Variants in STPG2 observed in about 807,000 individuals in gnomAD.
STPG2 encodes sperm tail PG-rich repeat containing 2, also known as sperm-tail PG-rich repeat-containing protein 2.
In STPG2, 56 loss-of-function variants were observed where a neutral mutation model predicts 54.2. The ratio of observed to expected loss-of-function variants is 1.03; its 90% CI spans 0.83 to 1.29. The LOEUF (loss-of-function observed/expected upper bound fraction) is 1.29. STPG2 is among the 50% of genes most tolerant of loss of function. The pLI is 0.00. For synonymous variants in STPG2, 200 were observed against 181.8 expected (o/e 1.10, Z -0.81); for missense variants, 596 against 544.9 (o/e 1.09, Z -0.93).
intron 10 of STPG2, among the ~76,000 whole-genome samples, chr4:97,590,472 T>G (rs999497274): frequency 2.0e-5 from 3 of 152,018 alleles, no homozygotes; most frequent in African/African-American, 7.2e-5. Flanking sequence ...TCGAGGTCGT[T>G]TGTCCTAAGG....
At chr4:97,709,011 T>G (rs6837669) in intron 10 of STPG2, among the ~76,000 whole-genome samples, 91,250 of 151,562 alleles carry the variant, frequency 0.6, 28,032 homozygotes, top group African/African-American at 0.72. Context: ...ACTACAGATT[T>G]TTCTCTTGTG....
chr4:97,784,671 T>A (rs1163152057), intron 9 of STPG2, among the ~76,000 whole-genome samples: 1 of 151,760 alleles, frequency 6.6e-6, no homozygotes, highest in Non-Finnish European at 1.5e-5. Context: ...GCCCTATTAT[T>A]CAATGATACA....
chr4:97,617,982 T>A (rs139426187), intron 10 of STPG2, among the ~76,000 whole-genome samples: 332 of 152,274 alleles, frequency 2.2e-3, no homozygotes, highest in African/African-American at 7.7e-3. Flanking sequence ...AAGTCTAGAC[T>A]TATCAACCAA....
At chr4:97,467,743 A>G (rs1729823201) in intron 4 of STPG2, among the ~76,000 whole-genome samples, 1 of 151,952 alleles carries the variant, frequency 6.6e-6, no homozygotes, top group Admixed American at 6.6e-5. Flanking sequence ...AGGCTAATGC[A>G]AAATAATTAG....
chr4:97,969,083 G>A (rs1734223417), intron 7 of STPG2, among the ~76,000 whole-genome samples: 1 of 152,162 alleles, frequency 6.6e-6, no homozygotes. Context: ...TCTTGCCACG[G>A]CTCTTCTAGG....
At chr4:97,863,509 T>G (rs1349462256) in intron 8 of STPG2, among the ~76,000 whole-genome samples, 1 of 152,226 alleles carries the variant, frequency 6.6e-6, no homozygotes, top group Non-Finnish European at 1.5e-5. Context: ...AGCCGAATTC[T>G]ACCAGAGGTA....
intron 10 of STPG2, among the ~76,000 whole-genome samples, chr4:97,616,050 ACATATAAATATATATATATATATAT>A (rs1733856671): frequency 3.7e-5 from 3 of 80,634 alleles, no homozygotes; most frequent in African/African-American, 1.0e-4. Flanking sequence ...AAAAAAAAAT[ACATATAAATATATATATATATATAT>A]ATATATATAT....
chr4:97,899,296 CA>C (rs1731083404), intron 8 of STPG2, among the ~76,000 whole-genome samples: 1 of 151,900 alleles, frequency 6.6e-6, no homozygotes, highest in African/African-American at 2.4e-5. Context: ...ATGAGAGTTA[CA>C]AAACAGTGCT....
chr4:97,901,055 T>C (rs549441585), intron 8 of STPG2, among the ~76,000 whole-genome samples: 34 of 152,112 alleles, frequency 2.2e-4, no homozygotes, highest in African/African-American at 7.7e-4. Context: ...TTTAATGCAA[T>C]TGTCCTTGTA....
intron 10 of STPG2, among the ~76,000 whole-genome samples, chr4:97,680,343 A>G (rs28631693): frequency 0.58 from 87,014 of 149,208 alleles, 25,597 homozygotes; most frequent in South Asian, 0.68. Flanking sequence ...GGTCCTTCAC[A>G]TCCCTTGTAA....
intron 9 of STPG2, among the ~76,000 whole-genome samples, chr4:97,716,447 C>A (rs1402731287): frequency 6.6e-6 from 1 of 152,016 alleles, no homozygotes; most frequent in Non-Finnish European, 1.5e-5. Flanking sequence ...TGGAACCAAC[C>A]CAAATGCCCA....
intron 5 of STPG2, among the ~76,000 whole-genome samples, chr4:98,059,318 T>C (rs1737573293): frequency 6.6e-6 from 1 of 151,902 alleles, no homozygotes; most frequent in Admixed American, 6.6e-5. Context: ...TAAGAAGAAA[T>C]TGGAGTTTTC....
chr4:97,559,981 A>C (rs1029806379), intron 10 of STPG2, among the ~76,000 whole-genome samples: 2 of 152,156 alleles, frequency 1.3e-5, no homozygotes, highest in African/African-American at 2.4e-5. Flanking sequence ...GTCCTCCACA[A>C]GTCTCAATCT....
At position 98,143,022 on chromosome 4, in the gene STPG2, T is replaced by G. The variant is rs1382078522; in HGVS notation, c.109+20A>C. The G allele has an allele frequency of 6.3e-7, 1 of 1,598,086 alleles. No individual in the cohort carries two copies. The highest frequency in any genetic ancestry group is 1.1e-5 in the South Asian group (1 of 89,204). On this transcript the variant is annotated intron_variant, in intron 1 of 10. Transcript: ENST00000295268. ...GATAGGATGCCTGTCACAGGAGCTC[T>G]GCCTCTTCCTACATCTTACCTGTCG...
At chr4:98,141,445 C>G (rs1028617417) in intron 1 of STPG2, among the ~76,000 whole-genome samples, 4 of 152,174 alleles carry the variant, frequency 2.6e-5, no homozygotes, top group African/African-American at 9.7e-5. Flanking sequence ...AGAGTTTCCT[C>G]TGCACAACAA....
intron 7 of STPG2, among the ~76,000 whole-genome samples, chr4:97,948,468 G>A (rs897114369): frequency 3.3e-5 from 5 of 151,948 alleles, no homozygotes; most frequent in Non-Finnish European, 5.9e-5. Flanking sequence ...TTTGGGCTTA[G>A]TTTGTTCTTG....
chr4:97,539,748 A>G (rs1365657572), intron 4 of STPG2, among the ~76,000 whole-genome samples: 1 of 152,174 alleles, frequency 6.6e-6, no homozygotes, highest in Non-Finnish European at 1.5e-5. Context: ...AACAGAATAT[A>G]CATTCTTCTC....
At chr4:97,766,882 A>T (rs948985086) in intron 9 of STPG2, among the ~76,000 whole-genome samples, 1 of 152,020 alleles carries the variant, frequency 6.6e-6, no homozygotes, top group African/African-American at 2.4e-5. Context: ...GCTTAATTGT[A>T]TCACCCACTG....
chr4:98,065,099 CA>C (rs1009663474), intron 5 of STPG2, among the ~76,000 whole-genome samples: 1 of 152,018 alleles, frequency 6.6e-6, no homozygotes, highest in Admixed American at 6.6e-5. Flanking sequence ...GAAGGATATT[CA>C]TCTTAAACAA....
Sources: allele counts gnomAD v4.1 joint callset (sites outside exome capture counted in the v4.1 genomes callset), GRCh38; gene constraint gnomAD v4.1.1; transcripts MANE v1.5; gene names NCBI Gene and HGNC (gene_info 2026-07-23, HGNC 2026-07-21).